The following SREBF2 variants were observed in gnomAD, a reference collection of about 807,000 sequenced individuals.
The protein encoded by SREBF2 is sterol regulatory element binding transcription factor 2.
A neutral mutation model predicts 113.1 loss-of-function variants in SREBF2; 55 were observed. The observed-to-expected ratio is 0.49, with a 90% CI of 0.39 to 0.61. The LOEUF (loss-of-function observed/expected upper bound fraction) is 0.61, where lower values mean the gene tolerates loss of function less well. SREBF2 is among the 20% of genes least tolerant of loss of function. The probability of loss-of-function intolerance (pLI) is 0.00; values close to 1 mark genes in which losing one functional copy is unlikely to be tolerated. For missense variants in SREBF2, 1,349 were observed against 1,487.4 expected, an observed-to-expected ratio of 0.91 and a Z score of 1.53; for synonymous variants, 593 against 605.7, an observed-to-expected ratio of 0.98 and a Z score of 0.31.
chr22:41,857,250 A>G (rs193195050), intron 1 of SREBF2, among the ~76,000 whole-genome samples: 2 of 152,230 alleles, frequency 1.3e-5, no homozygotes, highest in Admixed American at 1.3e-4. Flanking sequence ...GGCAGGAGGA[A>G]AAAGAAAGAG....
Position 41,878,124 on chromosome 22 carries a change from G to C in SREBF2, c.1761+1G>C. Reference sequence around the variant, plus strand: ...ACAGGCAGATCTGGATCTCGCCAGAGTGAGTTCTGTGTCCGCCCTTCCCCA... The same window carrying C: ...ACAGGCAGATCTGGATCTCGCCAGACTGAGTTCTGTGTCCGCCCTTCCCCA... On this transcript the variant is annotated splice_donor_variant, in intron 9 of 18. Transcript: ENST00000361204. LOFTEE classifies it high-confidence loss of function. 1 of 1,613,928 alleles carries C rather than the reference G, an allele frequency of 6.2e-7. No homozygotes were observed. The highest frequency in any genetic ancestry group is 8.5e-7 in the Non-Finnish European group (1 of 1,180,040).
In SREBF2 at chr22:41,875,465, G is replaced by GA. The variant is rs1332580658; in HGVS notation, c.1204+18dup. On this transcript the variant is annotated intron_variant, in intron 6 of 18. Coordinates refer to ENST00000361204, the MANE Select transcript of SREBF2 (RefSeq NM_004599.4). ...ATCAAAAGAACAGTAAGTGTGCTGA[G>GA]AAAAGGCTTGTCAGCCCTGGCCCAG... 1 of 1,614,096 alleles carries GA rather than the reference G, an allele frequency of 6.2e-7. No individual in the cohort carries two copies. The highest frequency in any genetic ancestry group is 1.3e-5 in the African/African-American group (1 of 74,944).
intron 18 of SREBF2, 122 bp from the exon 19 acceptor site, chr22:41,905,318 G>T: frequency 1.0e-6 from 1 of 988,930 alleles, no homozygotes; most frequent in Non-Finnish European, 1.5e-6. Flanking sequence ...GATTGGGTGG[G>T]GCAGCAGACC....
chr22:41,838,826 C>G (rs1318424671), intron 1 of SREBF2, among the ~76,000 whole-genome samples: 1 of 152,136 alleles, frequency 6.6e-6, no homozygotes, highest in Non-Finnish European at 1.5e-5. Flanking sequence ...TGTAGCCATC[C>G]AGGTGTGAGG....
In SREBF2 at chr22:41,873,965, C is replaced by T; in HGVS notation, c.1035C>T (p.Ser345=). Residue 345 remains serine (S), a synonymous_variant, in exon 5 of 19, where the codon TCC becomes TCT. Coordinates refer to ENST00000361204, the MANE Select transcript of SREBF2 (RefSeq NM_004599.4). ...HNIIEKRYRS[S]INDKIIELKD... ...TCATTGAGAAACGATATCGCTCCTC[C>T]ATCAATGACAAAATCATCGAATTGA... The T allele has an allele frequency of 6.2e-7, 1 of 1,614,130 alleles. No homozygotes were observed. Among genetic ancestry groups the T allele is most frequent in the South Asian group, 1.1e-5 (1 of 91,078 alleles).
chr22:41,885,147 A>G (rs749478762), intron 11 of SREBF2, 136 bp downstream of exon 11: 7 of 1,093,316 alleles, frequency 6.4e-6, no homozygotes, highest in Non-Finnish European at 9.5e-6. Context: ...GCATTCATTC[A>G]GTCGCTCATT....
chr22:41,906,677 A>T lies in SREBF2; in HGVS notation c.*1017A>T, dbSNP rs1319631986. On this transcript the variant is annotated 3_prime_UTR_variant, in exon 19 of 19. Transcript: ENST00000361204. The stretch of plus-strand genomic sequence containing the variant: ...GTTTATCAGGAAGTAACCCCATGGT[A>T]AGTTGAGGCATATCTGTATATATTT... 1 of 152,270 alleles carries T rather than the reference A, an allele frequency of 6.6e-6. No individual in the cohort carries two copies. Among genetic ancestry groups the T allele is most frequent in the Non-Finnish European group, 1.5e-5 (1 of 68,084 alleles). 9.4% of individuals were successfully genotyped at this position (152,270 alleles called of 1,614,324 possible).
chr22:41,864,797 C>A (rs201951732), intron 1 of SREBF2, among the ~76,000 whole-genome samples: 1 of 151,154 alleles, frequency 6.6e-6, no homozygotes, highest in Non-Finnish European at 1.5e-5. Context: ...ACAGAAAATA[C>A]AAAAATTAGC....
intron 4 of SREBF2, among the ~76,000 whole-genome samples, chr22:41,872,327 G>A (rs1312303742): frequency 1.3e-5 from 2 of 151,894 alleles, no homozygotes; most frequent in African/African-American, 4.8e-5. Context: ...AGTTTAAAAA[G>A]AGGCAAAATG....
In SREBF2 at chr22:41,875,617, AATGTCCTTCTG is replaced by A; in HGVS notation, c.1286_1296del (p.Leu429ProfsTer5). 6.2e-7 allele frequency: 1 copy of A among 1,614,142 alleles called. No individual in the cohort carries two copies. The highest frequency in any genetic ancestry group is 8.5e-7 in the Non-Finnish European group (1 of 1,180,030). ...CCTGAAGATCGAGGACTTTAATCAG[AATGTCCTTCTG>A]ATGTCCCCCCCAGCCTCTGACTCAG... is the stretch of plus-strand genomic sequence containing the variant. On this transcript the variant is annotated frameshift_variant, in exon 7 of 19. Transcript: ENST00000361204. LOFTEE classifies it high-confidence loss of function.
At chr22:41,863,137 G>A (rs1237548592) in intron 1 of SREBF2, among the ~76,000 whole-genome samples, 3 of 152,270 alleles carry the variant, frequency 2.0e-5, no homozygotes, top group East Asian at 1.9e-4. Context: ...CAAGCACTTC[G>A]GATAAATTAT....
rs755820447 is a variant in SREBF2 at position 41,898,666 on chromosome 22, C to T, written c.2623C>T (p.Arg875Trp). The part of the protein sequence containing the change: ...KSALGPDIIC[R>W]WWTSAITVAI... ...TCCTCTAGGTCCAGACATCATCTGT[C>T]GGTGGTGGACGTCTGCAATCACTGT... Residue 875 changes from arginine to tryptophan, a missense_variant, in exon 15 of 19, where the codon CGG becomes TGG. By Grantham distance (101) the Arg-to-Trp change is moderately radical. Around this residue, in one of 2 missense-constraint regions of SREBF2, gnomAD observed 650 missense variants for 644.1 expected, o/e 1.01. Coordinates refer to ENST00000361204, the MANE Select transcript of SREBF2 (RefSeq NM_004599.4). The T allele has an allele frequency of 9.9e-6, 16 of 1,613,878 alleles. No homozygotes were observed. The highest frequency in any genetic ancestry group is 6.7e-5 in the Admixed American group (4 of 59,980).
Position 41,905,906 on chromosome 22 carries a change from A to T in SREBF2, c.*246A>T. The T allele has an allele frequency of 1.5e-6, 1 of 675,582 alleles. No homozygotes were observed. Among genetic ancestry groups the T allele is most frequent in the Non-Finnish European group, 2.7e-6 (1 of 368,580 alleles). 41.8% of individuals were successfully genotyped at this position (675,582 alleles called of 1,614,324 possible). A position where few individuals can be genotyped will look rare whatever the true frequency, so the allele number is the denominator to read the frequency against. ...GCAGGGCAGAAACTGGGCAGCCCTG[A>T]CTTGATAGCAGCAGGGGGAGCTCCC... On this transcript the variant is annotated 3_prime_UTR_variant, in exon 19 of 19. Transcript: ENST00000361204.
chr22:41,899,331 CT>C, intron 15 of SREBF2: 2 of 1,020,276 alleles, frequency 2.0e-6, no homozygotes, highest in Non-Finnish European at 2.4e-6. Flanking sequence ...TGACATTCCT[CT>C]TTGGAGATTC....
chr22:41,901,488 C>G (rs2077465047), intron 16 of SREBF2, among the ~76,000 whole-genome samples: 2 of 152,290 alleles, frequency 1.3e-5, no homozygotes, highest in South Asian at 4.1e-4. Context: ...TGGTGAAACC[C>G]CGTTTGTACT....
At chr22:41,864,261 T>TATATATATATACACACACAC (rs1204150898) in intron 1 of SREBF2, among the ~76,000 whole-genome samples, 1 of 51,014 alleles carries the variant, frequency 2.0e-5, no homozygotes, top group African/African-American at 7.6e-5. Context: ...TATATATATA[T>TATATATATATACACACACAC]ACACACACAC....
At chr22:41,889,701 T>TAA (rs67272666) in intron 11 of SREBF2, among the ~76,000 whole-genome samples, 1 of 139,064 alleles carries the variant, frequency 7.2e-6, no homozygotes, top group African/African-American at 2.8e-5. Flanking sequence ...ATGTCTCTAT[T>TAA]AAAAAAAAAA....
At position 41,906,853 on chromosome 22, in the gene SREBF2, G is replaced by T. The variant is rs2077513494; in HGVS notation, c.*1193G>T. ...GAATGAGGTCCCCTGCCTCGATGCG[G>T]GTCCTAGGAGAAAAAGTCCTACTTT... On this transcript the variant is annotated 3_prime_UTR_variant, in exon 19 of 19. Transcript: ENST00000361204. 6.6e-6 allele frequency: 1 copy of T among 152,150 alleles called. No individual in the cohort carries two copies. The highest frequency in any genetic ancestry group is 2.1e-4 in the South Asian group (1 of 4,836). 9.4% of individuals were successfully genotyped at this position (152,150 alleles called of 1,614,324 possible).
chr22:41,861,919 A>C (rs1321394177), intron 1 of SREBF2, among the ~76,000 whole-genome samples: 1 of 145,300 alleles, frequency 6.9e-6, no homozygotes, highest in African/African-American at 2.5e-5. Flanking sequence ...ACTTTGTCTC[A>C]AAAAAAAAAA....
Sources: gnomAD v4.1 joint callset for allele counts (sites outside exome capture counted in the v4.1 genomes callset) on GRCh38, gnomAD v4.1.1 for gene constraint, gnomAD v4.1.1 regional missense constraint, MANE v1.5 for transcripts, NCBI Gene and HGNC (gene_info 2026-07-23, HGNC 2026-07-21) for gene names.